TMEFF1: variants seen among roughly 807,000 people sequenced by gnomAD.
TMEFF1 encodes the protein tomoregulin-1.
TMEFF1 carries 20 observed loss-of-function variants against 47.5 expected under a neutral mutation model. The ratio of observed to expected loss-of-function variants is 0.42; its 90% CI spans 0.30 to 0.61. TMEFF1 has a LOEUF of 0.61. TMEFF1 is among the 20% of genes least tolerant of loss of function. The probability of loss-of-function intolerance (pLI) is 0.19; values close to 1 mark genes in which losing one functional copy is unlikely to be tolerated. For missense variants in TMEFF1, 411 were observed against 471.1 expected (o/e 0.87, Z 1.18); for synonymous variants, 162 against 166.3 (o/e 0.97, Z 0.20).
At chr9:100,511,968 A>G (rs886224042) in intron 3 of TMEFF1, among the ~76,000 whole-genome samples, 212 of 152,302 alleles carry the variant, frequency 1.4e-3, no homozygotes, top group African/African-American at 4.8e-3. Flanking sequence ...AGATTTTTAT[A>G]TTTATTAAAA....
intron 1 of TMEFF1, among the ~76,000 whole-genome samples, chr9:100,485,397 A>G (rs1478513343): frequency 6.6e-6 from 1 of 152,232 alleles, no homozygotes; most frequent in Non-Finnish European, 1.5e-5. Flanking sequence ...ACTGCTGTCC[A>G]TGTAAAACTC....
intron 3 of TMEFF1, among the ~76,000 whole-genome samples, chr9:100,510,578 T>G (rs1837942875): frequency 1.3e-5 from 2 of 152,234 alleles, no homozygotes; most frequent in Admixed American, 6.5e-5. Context: ...CAAGGGATCC[T>G]CCCACCTCCG....
At chr9:100,513,097 T>C (rs1202563512) in intron 3 of TMEFF1, among the ~76,000 whole-genome samples, 1 of 152,136 alleles carries the variant, frequency 6.6e-6, no homozygotes, top group African/African-American at 2.4e-5. Flanking sequence ...CAAAGATGTA[T>C]GAAATATAGA....
rs1587814422 is a variant in TMEFF1 at position 100,484,932 on chromosome 9, C to A, written c.196+11192C>A. 3.3e-5 allele frequency among the ~76,000 whole-genome samples: 5 copies of A among 152,092 alleles called. No homozygotes were observed. In the East Asian group the frequency reaches 9.6e-4, roughly 29 times the overall value. ...CCTCAAGTGATCTGCCTGCCTCGGC[C>A]TCCTAAAATGTTGGGATTACAGGCA... On this transcript the variant is annotated intron_variant, in intron 1 of 9. Coordinates refer to ENST00000374879, the MANE Select transcript of TMEFF1 (RefSeq NM_003692.5).
At chr9:100,507,383 A>T (rs1440453086) in intron 2 of TMEFF1, among the ~76,000 whole-genome samples, 1 of 152,156 alleles carries the variant, frequency 6.6e-6, no homozygotes, top group Non-Finnish European at 1.5e-5. Flanking sequence ...CCCAGTAATG[A>T]GATTGCTGGG....
intron 4 of TMEFF1, 60 bp downstream of exon 4, chr9:100,513,393 CTTTTTT>C: frequency 1.6e-6 from 2 of 1,233,862 alleles, no homozygotes; most frequent in East Asian, 2.7e-5. Flanking sequence ...CTTTCTTTTT[CTTTTTT>C]TTTTTTTTTT....
intron 5 of TMEFF1, among the ~76,000 whole-genome samples, chr9:100,527,652 C>T (rs34335039): frequency 0.025 from 3,842 of 152,240 alleles, 62 homozygotes; most frequent in Middle Eastern, 0.034. Flanking sequence ...AAGGCGGCAG[C>T]GAGGCTGGGG....
chr9:100,490,865 G>GTGTGTGTGTGTGTGTGTGTA (rs1159901701), intron 1 of TMEFF1, among the ~76,000 whole-genome samples: 12 of 148,132 alleles, frequency 8.1e-5, no homozygotes, highest in African/African-American at 3.1e-4. Context: ...GTGTGTGTGT[G>GTGTGTGTGTGTGTGTGTGTA]TGTGTGTATG....
At position 100,514,746 on chromosome 9, in the gene TMEFF1, G is replaced by A. The variant is rs191159393; in HGVS notation, c.463+1413G>A. Among the ~76,000 whole-genome samples, 307 of 150,978 alleles carry A rather than the reference G, an allele frequency of 2.0e-3. 1 individual carries two copies. Among genetic ancestry groups the A allele is most frequent in the Non-Finnish European group, 3.4e-3 (229 of 67,870 alleles). On this transcript the variant is annotated intron_variant, in intron 4 of 9. Coordinates refer to ENST00000374879, the MANE Select transcript of TMEFF1 (RefSeq NM_003692.5). The stretch of plus-strand genomic sequence containing the variant: ...ACAGTGGCTCATGCCTGTAATCCCA[G>A]CACTTTGGGAGGCCGAGGCGGGCGG...
rs1391193857 is a variant in TMEFF1, at chr9:100,473,285, C to A, written c.-260C>A. On this transcript the variant is annotated 5_prime_UTR_variant, in exon 1 of 10. Transcript: ENST00000374879. This position sits in a 1 kb window ranked among gnomAD's most constrained non-coding sequence, Gnocchi z 5.4. ...CCCGCTCCCCTCGCCGCGGTGTCCC[C>A]CACGCCGGCTCGCACCCTCGCGCGC... The A allele has an allele frequency of 1.3e-5, 2 of 152,102 alleles. No homozygotes were observed. The highest frequency in any genetic ancestry group is 1.8e-4 in the South Asian group (1 of 5,558). The allele number at this position is 152,102 out of a possible 1,614,324, so 9.4% of individuals were successfully genotyped here.
At chr9:100,503,618 G>C (rs1054635225) in intron 2 of TMEFF1, among the ~76,000 whole-genome samples, 1 of 151,616 alleles carries the variant, frequency 6.6e-6, no homozygotes, top group Non-Finnish European at 1.5e-5. Flanking sequence ...TAGCTCATTT[G>C]ATTATGGAGG....
At chr9:100,490,108 T>A (rs1837522160) in intron 1 of TMEFF1, among the ~76,000 whole-genome samples, 1 of 152,176 alleles carries the variant, frequency 6.6e-6, no homozygotes, top group Admixed American at 6.5e-5. Flanking sequence ...GGCAGTAGTA[T>A]GCAAAATGGA....
At chr9:100,481,692 G>T (rs905850675) in intron 1 of TMEFF1, among the ~76,000 whole-genome samples, 1 of 152,194 alleles carries the variant, frequency 6.6e-6, no homozygotes, top group African/African-American at 2.4e-5. Context: ...CTGGCGGTAC[G>T]ATGAAAGATA....
intron 3 of TMEFF1, 63 bp downstream of exon 3, chr9:100,509,197 G>A (rs1318310992): frequency 7.0e-7 from 1 of 1,419,926 alleles, no homozygotes; most frequent in East Asian, 2.7e-5. Context: ...CTAAAAGGGG[G>A]TTTTGAGTCA....
At chr9:100,480,678 T>C (rs1415467373) in intron 1 of TMEFF1, among the ~76,000 whole-genome samples, 1 of 152,212 alleles carries the variant, frequency 6.6e-6, no homozygotes, top group East Asian at 1.9e-4. Flanking sequence ...AGTGGGGAAC[T>C]GTGTTTGGCA....
At chr9:100,481,719 G>T (rs967065350) in intron 1 of TMEFF1, among the ~76,000 whole-genome samples, 2 of 152,042 alleles carry the variant, frequency 1.3e-5, no homozygotes, top group African/African-American at 4.8e-5. Flanking sequence ...GAAATGGGAA[G>T]AATTGAGAGG....
intron 5 of TMEFF1, among the ~76,000 whole-genome samples, chr9:100,541,329 T>C (rs1427126540): frequency 1.3e-5 from 2 of 151,444 alleles, no homozygotes; most frequent in Non-Finnish European, 2.9e-5. Context: ...AACCCTATCA[T>C]GGTGGATTTG....
chr9:100,539,384 C>T (rs188423839), intron 5 of TMEFF1, among the ~76,000 whole-genome samples: 5 of 152,266 alleles, frequency 3.3e-5, no homozygotes, highest in African/African-American at 9.6e-5. Context: ...TGTGGACCCT[C>T]GCGATGAGTG....
At chr9:100,501,971 G>A (rs1458149519) in intron 2 of TMEFF1, among the ~76,000 whole-genome samples, 4 of 152,096 alleles carry the variant, frequency 2.6e-5, no homozygotes, top group African/African-American at 9.7e-5. Context: ...AAAGAGTAAT[G>A]TATGCCCATA....
Sources: allele counts gnomAD v4.1 joint callset (sites outside exome capture counted in the v4.1 genomes callset), GRCh38; gene constraint gnomAD v4.1.1; non-coding constraint Gnocchi (gnomAD v3.1); transcripts MANE v1.5; gene names NCBI Gene and HGNC (gene_info 2026-07-23, HGNC 2026-07-21).